Variants in TAF6 observed in about 807,000 individuals in gnomAD.
TAF6 encodes the protein TATA-box binding protein associated factor 6, also known as transcription initiation factor TFIID subunit 6.
A neutral mutation model predicts 73.5 loss-of-function variants in TAF6; 50 were observed. That is an observed-to-expected ratio of 0.68 (90% CI 0.54 to 0.86). The LOEUF (loss-of-function observed/expected upper bound fraction) is 0.86, where lower values mean the gene tolerates loss of function less well. Ranked by LOEUF, TAF6 falls within the 40% of genes least tolerant of loss-of-function variation. TAF6 has a pLI of 0.00. For synonymous variants in TAF6, 424 were observed against 376.7 expected (o/e 1.13, Z -1.45); for missense variants, 768 against 899.5 (o/e 0.85, Z 1.87).
chr7:100,114,712 G>GA (rs879733958), intron 1 of TAF6, among the ~76,000 whole-genome samples: 372 of 131,818 alleles, frequency 2.8e-3, no homozygotes, highest in Middle Eastern at 4.0e-3. Context: ...TCCGTCTCAG[G>GA]AAAAAAAAAA....
At chr7:100,116,828 C>T (rs894888959) in intron 1 of TAF6, among the ~76,000 whole-genome samples, 24 of 152,158 alleles carry the variant, frequency 1.6e-4, no homozygotes, top group African/African-American at 5.3e-4. Context: ...ATAGCCTTTG[C>T]TGCATTCCCT....
At chr7:100,122,145 C>A, upstream of TAF6, 11 of 1,347,284 alleles carry the variant, frequency 8.2e-6, no homozygotes, top group Non-Finnish European at 1.0e-5. Flanking sequence ...CCAACCCAGC[C>A]AGTCTGGCTC....
upstream of TAF6, chr7:100,119,446 A>G: frequency 7.7e-7 from 1 of 1,291,404 alleles, no homozygotes; most frequent in South Asian, 1.8e-5. Context: ...TCGCAGAATG[A>G]AATTATATTT....
chr7:100,113,356 C>A lies in TAF6; in HGVS notation c.447G>T (p.Pro149=). Reference sequence around the variant, plus strand: ...GTGGGGCATGGAGGTTACCTGGGGGCGGGTTCTCGGGGATAGCTGGCTGGC... The same window carrying A: ...GTGGGGCATGGAGGTTACCTGGGGGAGGGTTCTCGGGGATAGCTGGCTGGC... ...EGCQPAIPEN[P]PPAPKEQQKA... is the part of the protein sequence containing the mutation. Residue 149 remains proline (P), a synonymous_variant, in exon 5 of 15, where the codon CCG becomes CCT. Coordinates refer to ENST00000453269, the MANE Select transcript of TAF6 (RefSeq NM_139315.3). The A allele has an allele frequency of 1.9e-6, 3 of 1,592,776 alleles. No homozygotes were observed. The highest frequency in any genetic ancestry group is 2.6e-6 in the Non-Finnish European group (3 of 1,169,452).
Position 100,108,112 on chromosome 7 carries a change from C to T in TAF6, c.1470G>A (p.Thr490=), listed in dbSNP as rs777205869. The T allele has an allele frequency of 2.5e-5, 40 of 1,601,856 alleles. No individual in the cohort carries two copies. Among genetic ancestry groups the T allele is most frequent in the South Asian group, 8.9e-5 (8 of 89,722 alleles). ...GCTGTGGGGCCTGCGAGAGGGTCAG[C>T]GTGGGCCGGGGCTGCGGGGAGAAGA... ...TTLTITQPRP[T]LTLSQAPQPG... The change falls in exon 14 of 15, where the codon ACG becomes ACA. Residue 490 remains threonine (T), a synonymous_variant. Coordinates refer to ENST00000453269, the MANE Select transcript of TAF6 (RefSeq NM_139315.3).
Position 100,113,855 on chromosome 7 carries a change from C to G in TAF6, c.243+13G>C. The G allele has an allele frequency of 6.2e-7, 1 of 1,607,026 alleles. No individual in the cohort carries two copies. On this transcript the variant is annotated intron_variant, in intron 3 of 14. Transcript: ENST00000453269. ...GGCGTCTCACCCCCCCCCCGCCTGT[C>G]TCCCCAAATCACCTCGACATTCTTT...
chr7:100,107,664 C>T, intron 14 of TAF6, 41 bp from the exon 15 acceptor site: 1 of 1,596,372 alleles, frequency 6.3e-7, no homozygotes, highest in South Asian at 1.1e-5. Flanking sequence ...CCTGTGCCCT[C>T]CCTGCCCCCC....
chr7:100,116,977 G>C (rs1409013579), intron 1 of TAF6, among the ~76,000 whole-genome samples: 2 of 152,120 alleles, frequency 1.3e-5, no homozygotes, highest in Non-Finnish European at 2.9e-5. Context: ...GCATGGCGCA[G>C]TGGCTCACGC....
Position 100,107,248 on chromosome 7 carries a change from A to G in TAF6, c.2032T>C (p.Ter678ArgextTer32). The change falls in exon 15 of 15, where the codon TGA (stop) becomes CGA (arginine). Residue 678 changes from the stop codon to arginine (R), a stop_lost. Coordinates refer to ENST00000453269, the MANE Select transcript of TAF6 (RefSeq NM_139315.3). ...TCCGGGGGCTGGCAGGTGGAGCATC[A>G]CGGAGCAGGCTGAGGGGAGCCGGAG... ...PNSGSPQPAP* is the reference protein window; with the variant it reads ...PNSGSPQPAPR The G allele has an allele frequency of 6.6e-7, 1 of 1,523,098 alleles. No homozygotes were observed. The highest frequency in any genetic ancestry group is 1.3e-5 in the South Asian group (1 of 75,580). 94.3% of individuals were successfully genotyped at this position (1,523,098 alleles called of 1,614,324 possible).
chr7:100,125,664 A>C, the TAF6 span, among the ~76,000 whole-genome samples: 1 of 151,248 alleles, frequency 6.6e-6, no homozygotes, highest in East Asian at 1.9e-4. Flanking sequence ...CACACAAAGA[A>C]GACTGCAGGG....
intron 13 of TAF6, 95 bp downstream of exon 13, chr7:100,108,272 T>C: frequency 6.7e-7 from 1 of 1,482,944 alleles, no homozygotes. Context: ...CTGAGACTAC[T>C]GACTGAGGGC....
At chr7:100,110,095 A>C (rs758738457) in intron 11 of TAF6, 22 bp from the exon 12 acceptor site, 307 of 1,613,932 alleles carry the variant, frequency 1.9e-4, no homozygotes, top group Non-Finnish European at 8.5e-7. Context: ...GAAAAGGACA[A>C]GCAAAAGCCG....
chr7:100,108,577 T>C (rs1796825524), intron 12 of TAF6, 37 bp from the exon 13 acceptor site: 1 of 1,562,148 alleles, frequency 6.4e-7, no homozygotes, highest in African/African-American at 1.4e-5. Context: ...GAGGGAGGGC[T>C]GGGGAAAAAA....
intron 13 of TAF6, 27 bp downstream of exon 13, chr7:100,108,340 A>G (rs202235697): frequency 2.7e-5 from 43 of 1,581,568 alleles, no homozygotes; most frequent in Admixed American, 3.5e-5. Flanking sequence ...GCTTCCTCCT[A>G]TTCCTCCTCC....
chr7:100,114,802 C>T (rs2116829031), intron 1 of TAF6, among the ~76,000 whole-genome samples: 1 of 151,762 alleles, frequency 6.6e-6, no homozygotes, highest in African/African-American at 2.4e-5. Context: ...ATCGCTTGAG[C>T]CCAGCAGTTC....
Position 100,107,998 on chromosome 7 carries a change from T to C in TAF6, c.1584A>G (p.Pro528=). The stretch of plus-strand genomic sequence containing the variant: ...TGGTTGGAGGAGGGGAAGGCTGTGG[T>C]GGGGCAGCCGCTCGTGCAGACACCA... ...QTLVSARAAA[P]PQPSPPPTKF... The change falls in exon 14 of 15, where the codon CCA becomes CCG. Residue 528 remains proline (P), a synonymous_variant. Transcript: ENST00000453269. 1 of 1,613,738 alleles carries C rather than the reference T, an allele frequency of 6.2e-7. No individual in the cohort carries two copies.
At chr7:100,117,571 C>T (rs1165018793) in intron 1 of TAF6, among the ~76,000 whole-genome samples, 28 of 151,400 alleles carry the variant, frequency 1.8e-4, no homozygotes. Context: ...TGTGCCCGGC[C>T]GACAGAGCTC....
intron 5 of TAF6, 75 bp from the exon 6 acceptor site, chr7:100,112,992 C>T (rs1172035375): frequency 2.6e-6 from 4 of 1,527,074 alleles, no homozygotes; most frequent in Non-Finnish European, 3.5e-6. Context: ...AGGCCGGATG[C>T]GGTGGCTCAT....
chr7:100,121,119 T>TAC (rs1798048949), upstream of TAF6: 2 of 38,428 alleles, frequency 5.2e-5, no homozygotes, highest in Non-Finnish European at 5.1e-5. Flanking sequence ...TATATATATT[T>TAC]TTTTTTTTTT....
Sources: allele counts gnomAD v4.1 joint callset (sites outside exome capture counted in the v4.1 genomes callset), GRCh38; gene constraint gnomAD v4.1.1; transcripts MANE v1.5; gene names NCBI Gene and HGNC (gene_info 2026-07-23, HGNC 2026-07-21).